PARD3: variants seen among roughly 807,000 people sequenced by gnomAD.
PARD3 encodes par-3 family cell polarity regulator.
A neutral mutation model predicts 155.4 loss-of-function variants in PARD3; 75 were observed. The ratio of observed to expected loss-of-function variants is 0.48; its 90% CI spans 0.40 to 0.58. PARD3 has a LOEUF of 0.58. PARD3 is among the 20% of genes least tolerant of loss of function. PARD3 has a pLI of 0.00. For missense variants in PARD3, 1,642 were observed against 1,721.7 expected (o/e 0.95, Z 0.82); for synonymous variants, 576 against 610.5 (o/e 0.94, Z 0.83).
chr10:34,411,228 G>C (rs1845017556), intron 5 of PARD3, among the ~76,000 whole-genome samples: 1 of 152,134 alleles, frequency 6.6e-6, no homozygotes, highest in Non-Finnish European at 1.5e-5. Context: ...TCAGCAAAAA[G>C]TCTTGCTGCC....
At chr10:34,779,546 G>A (rs533268946) in intron 1 of PARD3, among the ~76,000 whole-genome samples, 128 of 152,050 alleles carry the variant, frequency 8.4e-4, no homozygotes, top group Non-Finnish European at 1.6e-3. Flanking sequence ...GCATGAACCC[G>A]GGAGGCAGAG....
intron 2 of PARD3, among the ~76,000 whole-genome samples, chr10:34,674,951 C>T (rs911759368): frequency 2.6e-5 from 4 of 152,192 alleles, no homozygotes; most frequent in Non-Finnish European, 5.9e-5. Flanking sequence ...GTTGTCTTCA[C>T]ACATGTATAT....
Position 34,344,172 on chromosome 10 carries a change from G to A in PARD3, c.2219-2356C>T, listed in dbSNP as rs559165651. 5 of 984,362 alleles carry A rather than the reference G, an allele frequency of 5.1e-6. No individual in the cohort carries two copies. The African/African-American group carries it at 8.7e-5, about 17-fold the overall frequency. The allele number at this position is 984,362 out of a possible 1,614,324, so 61.0% of individuals were successfully genotyped here. On this transcript the variant is annotated intron_variant, in intron 15 of 24. Transcript: ENST00000374788. ...AAGTTGAGAAATAGTTAAAGTCCCA[G>A]GCTTACAAATGACAATGTGTGATGT...
chr10:34,123,482 C>T (rs571354700), intron 23 of PARD3, among the ~76,000 whole-genome samples: 2 of 152,090 alleles, frequency 1.3e-5, no homozygotes, highest in Middle Eastern at 3.4e-3. Flanking sequence ...TGCTCTGTTG[C>T]CAAGGCTGGA....
chr10:34,598,058 A>G (rs942649593), intron 2 of PARD3, among the ~76,000 whole-genome samples: 3 of 152,208 alleles, frequency 2.0e-5, no homozygotes, highest in East Asian at 3.8e-4. Flanking sequence ...AAATGAGCTC[A>G]TAAGTAACAA....
chr10:34,133,913 C>T lies in PARD3; in HGVS notation c.3420-2330G>A, dbSNP rs1364777446. On this transcript the variant is annotated intron_variant, in intron 22 of 24. Transcript: ENST00000374788. ...GAGCTTCTAGAATATACTGTCAATA[C>T]ATTCAATTTGATTATTTTCTCAGTC... 4.6e-5 allele frequency among the ~76,000 whole-genome samples: 7 copies of T among 152,168 alleles called. No individual in the cohort carries two copies. The East Asian group carries it at 5.8e-4, about 13-fold the overall frequency.
intron 1 of PARD3, among the ~76,000 whole-genome samples, chr10:34,760,569 T>A (rs544766405): frequency 6.6e-6 from 1 of 152,344 alleles, no homozygotes; most frequent in African/African-American, 2.4e-5. Flanking sequence ...TGACCTCAAG[T>A]GATCTGCCCG....
chr10:34,113,663 T>C lies in PARD3; in HGVS notation c.3669-2101A>G, dbSNP rs577086531. On this transcript the variant is annotated intron_variant, in intron 24 of 24. Transcript: ENST00000374788. ...AAGGAAACAGACAATAAGAGTTTCCTACACTAGGAAACTAAGCATCCAGCT... is the reference window on the plus strand; with the variant it reads ...AAGGAAACAGACAATAAGAGTTTCCCACACTAGGAAACTAAGCATCCAGCT... Among the ~76,000 whole-genome samples, 16 of 152,202 alleles carry C rather than the reference T, an allele frequency of 1.1e-4. No individual in the cohort carries two copies. In the East Asian group the frequency reaches 2.3e-3, roughly 22 times the overall value.
At chr10:34,132,021 T>C (rs1251690758) in intron 22 of PARD3, among the ~76,000 whole-genome samples, 1 of 152,202 alleles carries the variant, frequency 6.6e-6, no homozygotes, top group African/African-American at 2.4e-5. Context: ...ATAATAATTT[T>C]ACTCTAAATA....
At chr10:34,793,522 C>T (rs553589178) in intron 1 of PARD3, among the ~76,000 whole-genome samples, 1 of 152,324 alleles carries the variant, frequency 6.6e-6, no homozygotes, top group South Asian at 2.1e-4. Context: ...CACGGTGCCT[C>T]ACACCTGTAA....
chr10:34,706,797 C>T (rs531280513), intron 1 of PARD3, among the ~76,000 whole-genome samples: 2 of 151,886 alleles, frequency 1.3e-5, no homozygotes, highest in South Asian at 2.1e-4. Flanking sequence ...AATAAAAAGA[C>T]GAGATCCATA....
Position 34,382,687 on chromosome 10 carries a change from G to A in PARD3, c.1252C>T (p.His418Tyr), listed in dbSNP as rs1301951039. The A allele has an allele frequency of 1.2e-6, 2 of 1,614,070 alleles. No individual in the cohort carries two copies. Among genetic ancestry groups the A allele is most frequent in the Non-Finnish European group, 1.7e-6 (2 of 1,180,042 alleles). Residue 418 changes from histidine (H) to tyrosine (Y), a missense_variant, in exon 9 of 25, where the codon CAC becomes TAC. Around this residue, in one of 3 missense-constraint regions of PARD3, gnomAD observed 1,529 missense variants for 1,587.3 expected, o/e 0.96. Coordinates refer to ENST00000374788, the MANE Select transcript of PARD3 (RefSeq NM_001184785.2). ...TGTGCGCTATGAGGTAGTCTTGAGT[G>A]AGAGTCTATCTGCTCAGGCGGGTGG... is the stretch of plus-strand genomic sequence containing the variant. ...LNHPPEQIDS[H>Y]SRLPHSAHPS...
chr10:34,469,686 T>C (rs1369508094), intron 4 of PARD3, among the ~76,000 whole-genome samples: 1 of 152,150 alleles, frequency 6.6e-6, no homozygotes, highest in African/African-American at 2.4e-5. Flanking sequence ...TATAAATGTG[T>C]CAAATATCCC....
chr10:34,523,359 C>T (rs2082269431), intron 2 of PARD3, among the ~76,000 whole-genome samples: 1 of 152,152 alleles, frequency 6.6e-6, no homozygotes, highest in Non-Finnish European at 1.5e-5. Flanking sequence ...CAGGGAAAGT[C>T]AATTATGATG....
At chr10:34,796,045 A>G (rs1732057123) in intron 1 of PARD3, among the ~76,000 whole-genome samples, 1 of 152,248 alleles carries the variant, frequency 6.6e-6, no homozygotes, top group Non-Finnish European at 1.5e-5. Context: ...CTGTGAAAGC[A>G]GTATAAATGG....
chr10:34,783,790 G>A (rs1313979617), intron 1 of PARD3, among the ~76,000 whole-genome samples: 8 of 152,022 alleles, frequency 5.3e-5, no homozygotes, highest in South Asian at 4.2e-4. Flanking sequence ...GGCTTAGTAC[G>A]TTGCCAAATC....
At chr10:34,810,778 G>A (rs548878309) in intron 1 of PARD3, among the ~76,000 whole-genome samples, 3 of 152,262 alleles carry the variant, frequency 2.0e-5, no homozygotes, top group Non-Finnish European at 2.9e-5. Flanking sequence ...AGTATGGGCC[G>A]GGCCCAGGAC....
chr10:34,671,809 T>TA (rs1212076952), intron 2 of PARD3, among the ~76,000 whole-genome samples: 7 of 152,076 alleles, frequency 4.6e-5, no homozygotes, highest in East Asian at 1.9e-4. Flanking sequence ...ACTCCTAAGG[T>TA]AAAAAAGAAG....
rs1357464907 is a variant in PARD3 at position 34,110,520 on chromosome 10, C to CT, written c.*648dup. 6.6e-6 allele frequency: 1 copy of CT among 152,196 alleles called. No homozygotes were observed. The highest frequency in any genetic ancestry group is 1.5e-5 in the Non-Finnish European group (1 of 68,092). The allele number at this position is 152,196 out of a possible 1,614,324, so 9.4% of individuals were successfully genotyped here. A position where few individuals can be genotyped will look rare whatever the true frequency, so the allele number is the denominator to read the frequency against. On this transcript the variant is annotated 3_prime_UTR_variant, in exon 25 of 25. Transcript: ENST00000374788. ...GTATAAACGCAGACCAGGATCATCA[C>CT]TTTATTGGTAATGTTGAGTCATAAG...
Sources: allele counts gnomAD v4.1 joint callset (sites outside exome capture counted in the v4.1 genomes callset), GRCh38; gene constraint gnomAD v4.1.1; regional missense constraint gnomAD v4.1.1; transcripts MANE v1.5; gene names NCBI Gene and HGNC (gene_info 2026-07-23, HGNC 2026-07-21).